Variants in HPCAL1 observed in about 807,000 individuals in gnomAD.
HPCAL1 encodes hippocalcin-like protein 1.
Under a neutral mutation model 17.1 loss-of-function variants are expected in HPCAL1, and 8 were observed. That is an observed-to-expected ratio of 0.47 (90% confidence interval 0.27 to 0.84). HPCAL1 has a LOEUF of 0.84. HPCAL1 is among the 40% of genes least tolerant of loss of function. The pLI is 0.13. For synonymous variants in HPCAL1, 112 were observed against 111.4 expected, an observed-to-expected ratio of 1.01 and a Z score of -0.03; for missense variants, 165 against 271.1, an observed-to-expected ratio of 0.61 and a Z score of 2.75.
chr2:10,387,209 C>T (rs1668370715), intron 1 of HPCAL1, among the ~76,000 whole-genome samples: 2 of 152,232 alleles, frequency 1.3e-5, no homozygotes, highest in Non-Finnish European at 2.9e-5. Flanking sequence ...GACCATGAGT[C>T]CAAAGAGTAG....
intron 1 of HPCAL1, among the ~76,000 whole-genome samples, chr2:10,356,103 C>T (rs1666137089): frequency 6.6e-6 from 1 of 152,188 alleles, no homozygotes; most frequent in Non-Finnish European, 1.5e-5. Flanking sequence ...TTCATTTATT[C>T]ATTTACTCTT....
At chr2:10,387,471 C>T (rs1668391815) in intron 1 of HPCAL1, among the ~76,000 whole-genome samples, 2 of 152,242 alleles carry the variant, frequency 1.3e-5, no homozygotes. Context: ...CCTGCTGTTT[C>T]TGAGCCATCT....
chr2:10,418,809 G>A (rs761546122), intron 2 of HPCAL1, among the ~76,000 whole-genome samples: 30 of 152,122 alleles, frequency 2.0e-4, no homozygotes, highest in Admixed American at 3.3e-4. Flanking sequence ...GCAGTTCCTC[G>A]TTCCCACAGG....
chr2:10,358,127 G>A (rs2125480412), intron 1 of HPCAL1, among the ~76,000 whole-genome samples: 1 of 152,340 alleles, frequency 6.6e-6, no homozygotes, highest in East Asian at 1.9e-4. Flanking sequence ...ACCAGCTTCT[G>A]GCTAAAATCG....
chr2:10,404,939 C>T (rs567799015), intron 2 of HPCAL1, among the ~76,000 whole-genome samples: 8 of 152,278 alleles, frequency 5.3e-5, no homozygotes, highest in Non-Finnish European at 8.8e-5. Flanking sequence ...CACCTCCCGC[C>T]GGGCTGTGCT....
At chr2:10,346,403 G>T (rs957730783) in intron 1 of HPCAL1, among the ~76,000 whole-genome samples, 1 of 152,192 alleles carries the variant, frequency 6.6e-6, no homozygotes, top group African/African-American at 2.4e-5. Flanking sequence ...GTGGAGTCTT[G>T]GGGGAGGTGC....
rs757042161 is a variant in HPCAL1, at chr2:10,334,945, T to C, written c.-111+31768T>C. Among the ~76,000 whole-genome samples, 50 of 152,258 alleles carry C rather than the reference T, an allele frequency of 3.3e-4. 1 individual carries two copies. Among genetic ancestry groups the C allele is most frequent in the Non-Finnish European group, 4.7e-4 (32 of 68,050 alleles). On this transcript the variant is annotated intron_variant, in intron 1 of 4. Coordinates refer to ENST00000307845, the MANE Select transcript of HPCAL1 (RefSeq NM_002149.4). Reference sequence around the variant, plus strand: ...CACCTGCCTTGGCCTCCCAAATTGCTGGGATTACAGGCGTGAGCCACTGTG... The same window carrying C: ...CACCTGCCTTGGCCTCCCAAATTGCCGGGATTACAGGCGTGAGCCACTGTG...
At chr2:10,351,834 T>C (rs1665857734) in intron 1 of HPCAL1, among the ~76,000 whole-genome samples, 1 of 151,988 alleles carries the variant, frequency 6.6e-6, no homozygotes, top group Admixed American at 6.6e-5. Context: ...CTTTACAAAA[T>C]TGATCATGGT....
At chr2:10,339,453 T>A (rs1007254419) in intron 1 of HPCAL1, among the ~76,000 whole-genome samples, 2 of 152,138 alleles carry the variant, frequency 1.3e-5, no homozygotes, top group Non-Finnish European at 2.9e-5. Flanking sequence ...TACAGGCACA[T>A]GCCACCATGC....
At chr2:10,399,498 A>G (rs1371698879) in intron 2 of HPCAL1, among the ~76,000 whole-genome samples, 4 of 128,770 alleles carry the variant, frequency 3.1e-5, no homozygotes, top group South Asian at 2.6e-4. Context: ...CGCCACCATC[A>G]CCATCACCAC....
At position 10,365,340 on chromosome 2, in the gene HPCAL1, G is replaced by A. The variant is rs112926938; in HGVS notation, c.-110-31495G>A. ...GTGGTGGCGCGGTAATTGCAAGAGC[G>A]TGAGCCCCTCCTCTGGGGCATGTTC... On this transcript the variant is annotated intron_variant, in intron 1 of 4. Coordinates refer to ENST00000307845, the MANE Select transcript of HPCAL1 (RefSeq NM_002149.4). This position sits in a 1 kb window ranked among gnomAD's most constrained non-coding sequence, Gnocchi z 4.8. Among the ~76,000 whole-genome samples the A allele has an allele frequency of 1.5e-3, 235 of 152,300 alleles. 2 individuals carry two copies. The highest frequency in any genetic ancestry group is 6.8e-3 in the Middle Eastern group (2 of 294).
At chr2:10,318,558 C>T (rs905990197) in intron 1 of HPCAL1, among the ~76,000 whole-genome samples, 4 of 152,100 alleles carry the variant, frequency 2.6e-5, no homozygotes, top group East Asian at 3.9e-4. Flanking sequence ...CGGACATTGG[C>T]GATGTGAGGA....
intron 1 of HPCAL1, among the ~76,000 whole-genome samples, chr2:10,358,601 G>A (rs761074533): frequency 4.2e-4 from 64 of 152,328 alleles, no homozygotes; most frequent in Non-Finnish European, 6.8e-4. Context: ...GAAGACACAC[G>A]TGGCTGGATA....
At chr2:10,376,850 T>C (rs929230886) in intron 1 of HPCAL1, among the ~76,000 whole-genome samples, 1 of 132,382 alleles carries the variant, frequency 7.6e-6, no homozygotes, top group African/African-American at 3.3e-5. Flanking sequence ...CGTATTGTAT[T>C]GTGTGTAGTA....
In HPCAL1 at chr2:10,359,114, CG is replaced by C. The variant is rs1222171007; in HGVS notation, c.-110-37720del. On this transcript the variant is annotated intron_variant, in intron 1 of 4. Coordinates refer to ENST00000307845, the MANE Select transcript of HPCAL1 (RefSeq NM_002149.4). The surrounding 1 kb of genome is among the most constrained non-coding windows in gnomAD (Gnocchi z 4.1). The stretch of plus-strand genomic sequence containing the variant: ...AGAGGTTTGAGCAGCGGGACACTGA[CG>C]AAGCGAGCCATACCCCCATCACATG... Among the ~76,000 whole-genome samples, 1 of 152,112 alleles carries C rather than the reference CG, an allele frequency of 6.6e-6. No homozygotes were observed. Among genetic ancestry groups the C allele is most frequent in the Non-Finnish European group, 1.5e-5 (1 of 68,014 alleles).
intron 2 of HPCAL1, among the ~76,000 whole-genome samples, chr2:10,413,995 C>T (rs1670503803): frequency 6.6e-6 from 1 of 152,270 alleles, no homozygotes; most frequent in African/African-American, 2.4e-5. Flanking sequence ...CCTGGGCCAG[C>T]CTCCCCTCTG....
intron 2 of HPCAL1, among the ~76,000 whole-genome samples, chr2:10,404,392 C>T (rs1293643778): frequency 6.6e-6 from 1 of 152,236 alleles, no homozygotes; most frequent in Non-Finnish European, 1.5e-5. Flanking sequence ...CCCCGCTGAG[C>T]TCAGGTATCA....
chr2:10,416,903 A>C (rs1002486650), intron 2 of HPCAL1, among the ~76,000 whole-genome samples: 4 of 152,224 alleles, frequency 2.6e-5, no homozygotes, highest in Admixed American at 1.3e-4. Flanking sequence ...CCCTATCTGC[A>C]CATTGTTCTG....
chr2:10,334,093 G>A (rs1036432941), intron 1 of HPCAL1, among the ~76,000 whole-genome samples: 1 of 152,176 alleles, frequency 6.6e-6, no homozygotes, highest in South Asian at 2.1e-4. Context: ...GCCACTCTGC[G>A]GAGGGAAGTA....
Sources: gnomAD v4.1 joint callset for allele counts (sites outside exome capture counted in the v4.1 genomes callset) on GRCh38, gnomAD v4.1.1 for gene constraint, Gnocchi (gnomAD v3.1) non-coding constraint, MANE v1.5 for transcripts, NCBI Gene and HGNC (gene_info 2026-07-23, HGNC 2026-07-21) for gene names.